Variants in RNF152 observed in about 807,000 individuals in gnomAD.
RNF152 encodes the protein ring finger protein 152.
A neutral mutation model predicts 12.7 loss-of-function variants in RNF152; 11 were observed. The observed-to-expected ratio is 0.86, with a 90% confidence interval of 0.54 to 1.43. The LOEUF is 1.43. Among genes scored for constraint, RNF152 ranks in the 40% most tolerant of loss-of-function variants. RNF152 has a pLI of 0.00. For missense variants in RNF152, 255 were observed against 274.8 expected (o/e 0.93, Z 0.51); for synonymous variants, 113 against 120.3 (o/e 0.94, Z 0.40).
chr18:61,829,787 G>T (rs911048267), intron 1 of RNF152, among the ~76,000 whole-genome samples: 1 of 152,124 alleles, frequency 6.6e-6, no homozygotes, highest in African/African-American at 2.4e-5. Context: ...GTTGTGAGAA[G>T]AAGTGAGAAT....
chr18:61,873,335 C>G (rs1490383753), intron 1 of RNF152, among the ~76,000 whole-genome samples: 2 of 152,072 alleles, frequency 1.3e-5, no homozygotes, highest in Non-Finnish European at 2.9e-5. Context: ...AGTCTCCTTT[C>G]TTTTTGTTTG....
chr18:61,876,671 T>C (rs2144747992), intron 1 of RNF152, among the ~76,000 whole-genome samples: 1 of 152,272 alleles, frequency 6.6e-6, no homozygotes, highest in Admixed American at 6.5e-5. Flanking sequence ...CTTTGTGACC[T>C]CAGGAAAGTC....
intron 1 of RNF152, among the ~76,000 whole-genome samples, chr18:61,887,474 T>TAG (rs1912752115): frequency 6.6e-6 from 1 of 152,112 alleles, no homozygotes; most frequent in Non-Finnish European, 1.5e-5. Context: ...ATTCCAGCAT[T>TAG]TTGGGAGCCC....
In RNF152 at chr18:61,811,098, T is replaced by C. The variant is rs1599251088; in HGVS notation, c.*4754A>G. On this transcript the variant is annotated 3_prime_UTR_variant, in exon 2 of 2. Coordinates refer to ENST00000312828, the MANE Select transcript of RNF152 (RefSeq NM_173557.3). ...TAAAGGCAAGCTAAGAAGGAAAGTC[T>C]TGCACATTGATGAGTTCTAGAAAAA... 4.6e-5 allele frequency: 7 copies of C among 152,172 alleles called. 1 individual carries two copies. Among genetic ancestry groups the C allele is most frequent in the Admixed American group, 4.6e-4 (7 of 15,284 alleles). The allele number at this position is 152,172 out of a possible 1,614,324, so 9.4% of individuals were successfully genotyped here.
chr18:61,815,774 A>C lies in RNF152; in HGVS notation c.*78T>G. On this transcript the variant is annotated 3_prime_UTR_variant, in exon 2 of 2. Transcript: ENST00000312828. ...CACCAAATGGTCAGTGTTGCCCCCC[A>C]TCTTCTCACTGGGATCTCATCATCA... is the stretch of plus-strand genomic sequence containing the variant. 3 of 1,515,496 alleles carry C rather than the reference A, an allele frequency of 2.0e-6. No individual in the cohort carries two copies. The highest frequency in any genetic ancestry group is 2.7e-6 in the Non-Finnish European group (3 of 1,108,118). 93.9% of individuals were successfully genotyped at this position (1,515,496 alleles called of 1,614,324 possible). A position where few individuals can be genotyped will look rare whatever the true frequency, so the allele number is the denominator to read the frequency against.
At position 61,816,198 on chromosome 18, in the gene RNF152, G is replaced by A. The variant is rs376625654; in HGVS notation, c.266C>T (p.Pro89Leu). Residue 89 changes from proline (P) to leucine (L), a missense_variant, in exon 2 of 2, where the codon CCG (proline) becomes CTG (leucine). Physicochemically the swap from Pro to Leu is moderately conservative, Grantham distance 98 (BLOSUM62 -3). Coordinates refer to ENST00000312828, the MANE Select transcript of RNF152 (RefSeq NM_173557.3). ...ATTGCTGGGAAGTTTGATGAAGACC[G>A]GGGTGTGTTCGGAAGTGTGTGGAAT... is the stretch of plus-strand genomic sequence containing the variant. Reference protein sequence around the residue: ...IAIPHTSEHTPVFIKLPSNGC... With the variant: ...IAIPHTSEHTLVFIKLPSNGC... 7.6e-5 allele frequency: 122 copies of A among 1,614,116 alleles called. No individual in the cohort carries two copies. Among genetic ancestry groups the A allele is most frequent in the Non-Finnish European group, 1.0e-4 (119 of 1,180,044 alleles).
intron 1 of RNF152, among the ~76,000 whole-genome samples, chr18:61,821,487 T>A (rs1398369543): frequency 6.6e-6 from 1 of 152,248 alleles, no homozygotes; most frequent in Non-Finnish European, 1.5e-5. Context: ...TGATGGATCA[T>A]TCTTTCCCCC....
intron 1 of RNF152, among the ~76,000 whole-genome samples, chr18:61,856,686 G>A (rs948684067): frequency 2.6e-5 from 4 of 152,066 alleles, no homozygotes; most frequent in Non-Finnish European, 5.9e-5. Context: ...AGGGGTGGTC[G>A]AGCAATCTTT....
chr18:61,815,668 G>A lies in RNF152; in HGVS notation c.*184C>T, dbSNP rs544812655. ...CATCAACACTCAGAACAATTCACCT[G>A]GTATCTTGTTGAGACCGCACCTTCT... On this transcript the variant is annotated 3_prime_UTR_variant, in exon 2 of 2. Coordinates refer to ENST00000312828, the MANE Select transcript of RNF152 (RefSeq NM_173557.3). The A allele has an allele frequency of 5.0e-6, 3 of 600,200 alleles. No individual in the cohort carries two copies. Among genetic ancestry groups the A allele is most frequent in the African/African-American group, 3.7e-5 (2 of 53,908 alleles). 37.2% of individuals were successfully genotyped at this position (600,200 alleles called of 1,614,324 possible).
Position 61,816,535 on chromosome 18 carries a change from G to C in RNF152, c.-72C>G, listed in dbSNP as rs1909106015. On this transcript the variant is annotated 5_prime_UTR_variant, in exon 2 of 2. Coordinates refer to ENST00000312828, the MANE Select transcript of RNF152 (RefSeq NM_173557.3). ...GCTGCTTCTCAGAGGCCACCGCCCT[G>C]TGTCTTTGCAGTGCAGGTAATGGCA... The C allele has an allele frequency of 1.3e-6, 2 of 1,525,460 alleles. No individual in the cohort carries two copies. The highest frequency in any genetic ancestry group is 1.8e-6 in the Non-Finnish European group (2 of 1,130,636). 94.5% of individuals were successfully genotyped at this position (1,525,460 alleles called of 1,614,324 possible).
chr18:61,825,168 G>A (rs1158457018), intron 1 of RNF152, among the ~76,000 whole-genome samples: 4 of 152,168 alleles, frequency 2.6e-5, no homozygotes, highest in Non-Finnish European at 4.4e-5. Context: ...TACTATTCAA[G>A]GAACCGGCGT....
At position 61,815,715 on chromosome 18, in the gene RNF152, G is replaced by A; in HGVS notation, c.*137C>T. 1.1e-6 allele frequency: 1 copy of A among 894,442 alleles called. No homozygotes were observed. Among genetic ancestry groups the A allele is most frequent in the Non-Finnish European group, 1.7e-6 (1 of 575,114 alleles). 55.4% of individuals were successfully genotyped at this position (894,442 alleles called of 1,614,324 possible). ...TTCTGCCCTTTGTGTCTGTCTTGGGGTAATCAAGAGGCAACCCAGAGGCCA... is the reference window on the plus strand; with the variant it reads ...TTCTGCCCTTTGTGTCTGTCTTGGGATAATCAAGAGGCAACCCAGAGGCCA... On this transcript the variant is annotated 3_prime_UTR_variant, in exon 2 of 2. Transcript: ENST00000312828.
intron 1 of RNF152, among the ~76,000 whole-genome samples, chr18:61,883,210 T>C (rs189595865): frequency 6.6e-6 from 1 of 152,314 alleles, no homozygotes; most frequent in African/African-American, 2.4e-5. Context: ...CTTTCAAAAA[T>C]ATTTCTGAAG....
intron 1 of RNF152, among the ~76,000 whole-genome samples, chr18:61,849,257 C>G (rs1390331116): frequency 6.6e-6 from 1 of 152,164 alleles, no homozygotes; most frequent in Non-Finnish European, 1.5e-5. Flanking sequence ...CACATAAAAA[C>G]CAAGACCCAA....
intron 1 of RNF152, among the ~76,000 whole-genome samples, chr18:61,838,761 C>T (rs1216867714): frequency 1.3e-5 from 2 of 152,152 alleles, no homozygotes; most frequent in Non-Finnish European, 1.5e-5. Flanking sequence ...GCAGGCCCAG[C>T]TTTCACCTCC....
At position 61,821,803 on chromosome 18, in the gene RNF152, T is replaced by A. The variant is rs1245782927; in HGVS notation, c.-135-5205A>T. Among the ~76,000 whole-genome samples the A allele has an allele frequency of 3.9e-5, 6 of 152,122 alleles. No individual in the cohort carries two copies. In the East Asian group the frequency reaches 1.2e-3, roughly 29 times the overall value. ...TCTCATAGGAGCACAAACCCTACTGTGAACTTCACATGCAAGGGATCTAGA... is the reference window on the plus strand; with the variant it reads ...TCTCATAGGAGCACAAACCCTACTGAGAACTTCACATGCAAGGGATCTAGA... On this transcript the variant is annotated intron_variant, in intron 1 of 1. Transcript: ENST00000312828.
intron 1 of RNF152, among the ~76,000 whole-genome samples, chr18:61,849,132 T>A (rs1160672543): frequency 6.6e-6 from 1 of 152,104 alleles, no homozygotes; most frequent in African/African-American, 2.4e-5. Flanking sequence ...TCTCTCTCGC[T>A]CCACTGAGGG....
chr18:61,868,340 C>G (rs375104791), intron 1 of RNF152, among the ~76,000 whole-genome samples: 143 of 152,358 alleles, frequency 9.4e-4, no homozygotes, highest in African/African-American at 3.4e-3. Context: ...GACCACAGGA[C>G]AGAGGTAAAC....
intron 1 of RNF152, among the ~76,000 whole-genome samples, chr18:61,889,345 C>G (rs1184010801): frequency 6.6e-6 from 1 of 152,194 alleles, no homozygotes; most frequent in Non-Finnish European, 1.5e-5. Flanking sequence ...TTAAATTCTA[C>G]ACTTATGCTT....
Sources: allele counts gnomAD v4.1 joint callset (sites outside exome capture counted in the v4.1 genomes callset), GRCh38; gene constraint gnomAD v4.1.1; transcripts MANE v1.5; gene names NCBI Gene and HGNC (gene_info 2026-07-23, HGNC 2026-07-21).